Variants in PLCL1 observed in about 807,000 individuals in gnomAD.
PLCL1 encodes inactive phospholipase C-like protein 1.
PLCL1 carries 41 observed loss-of-function variants against 84.4 expected under a neutral mutation model. The observed-to-expected ratio is 0.49, with a 90% CI of 0.38 to 0.63. The LOEUF (loss-of-function observed/expected upper bound fraction) is 0.63, where lower values mean the gene tolerates loss of function less well. Ranked by LOEUF, PLCL1 falls within the 30% of genes least tolerant of loss-of-function variation. The probability of loss-of-function intolerance (pLI) is 0.00; values close to 1 mark genes in which losing one functional copy is unlikely to be tolerated. For synonymous variants in PLCL1, 490 were observed against 488.3 expected (o/e 1.00, Z -0.05); for missense variants, 1,206 against 1,367.8 (o/e 0.88, Z 1.87).
At chr2:197,902,957 A>C (rs1199015880) in intron 1 of PLCL1, among the ~76,000 whole-genome samples, 2 of 152,226 alleles carry the variant, frequency 1.3e-5, no homozygotes, top group African/African-American at 2.4e-5. Context: ...ATATATGTTT[A>C]AAATCTGTTG....
intron 1 of PLCL1, among the ~76,000 whole-genome samples, chr2:198,080,097 G>A (rs1159576689): frequency 6.6e-6 from 1 of 152,226 alleles, no homozygotes; most frequent in Non-Finnish European, 1.5e-5. Context: ...CTGGAAAGAT[G>A]TTATGGTCAT....
chr2:197,891,240 A>C (rs578178969), intron 1 of PLCL1, among the ~76,000 whole-genome samples: 1 of 152,292 alleles, frequency 6.6e-6, no homozygotes, highest in South Asian at 2.1e-4. Flanking sequence ...AGAGCCACAT[A>C]TAGGCCCATG....
chr2:198,000,945 T>C (rs529215089), intron 1 of PLCL1, among the ~76,000 whole-genome samples: 1 of 152,316 alleles, frequency 6.6e-6, no homozygotes, highest in African/African-American at 2.4e-5. Flanking sequence ...TAAATTAACT[T>C]AGTTAAGCTA....
intron 1 of PLCL1, among the ~76,000 whole-genome samples, chr2:197,816,817 T>A (rs1690699416): frequency 1.3e-5 from 2 of 152,172 alleles, no homozygotes; most frequent in African/African-American, 4.8e-5. Flanking sequence ...GCCTTACATG[T>A]AGGAGGAACA....
intron 1 of PLCL1, among the ~76,000 whole-genome samples, chr2:198,080,219 T>C (rs1432152480): frequency 3.9e-5 from 6 of 152,194 alleles, no homozygotes; most frequent in African/African-American, 1.4e-4. Context: ...TCCCAATACA[T>C]ACACAACATA....
intron 1 of PLCL1, among the ~76,000 whole-genome samples, chr2:197,955,411 AT>A (rs1295076176): frequency 1.4e-5 from 2 of 147,862 alleles, no homozygotes; most frequent in South Asian, 2.2e-4. Context: ...TTTTTATCTA[AT>A]TTTTTTCTTT....
At chr2:197,831,798 C>T (rs559419056) in intron 1 of PLCL1, among the ~76,000 whole-genome samples, 3 of 152,142 alleles carry the variant, frequency 2.0e-5, no homozygotes, top group East Asian at 1.9e-4. Context: ...TGCTAAAGAA[C>T]GGAAATAATA....
chr2:197,906,472 G>A (rs969579388), intron 1 of PLCL1, among the ~76,000 whole-genome samples: 2 of 152,050 alleles, frequency 1.3e-5, no homozygotes, highest in Non-Finnish European at 2.9e-5. Flanking sequence ...TAGCCTTGTA[G>A]TATAGTTTGA....
chr2:198,092,785 CCT>C (rs1693079196), intron 3 of PLCL1, among the ~76,000 whole-genome samples: 1 of 152,084 alleles, frequency 6.6e-6, no homozygotes, highest in Non-Finnish European at 1.5e-5. Context: ...TAATTGCTGT[CCT>C]CTTTTACTCC....
intron 1 of PLCL1, among the ~76,000 whole-genome samples, chr2:197,943,353 GACAC>G (rs573194217): frequency 6.7e-6 from 1 of 150,368 alleles, no homozygotes; most frequent in African/African-American, 2.4e-5. Context: ...ACTTCTATAA[GACAC>G]ACACACACAC....
intron 1 of PLCL1, among the ~76,000 whole-genome samples, chr2:198,034,675 A>G (rs907055118): frequency 1.3e-5 from 2 of 152,238 alleles, no homozygotes; most frequent in Admixed American, 6.5e-5. Context: ...ATCAAAACCT[A>G]AAAATTAACA....
chr2:197,886,677 C>T (rs901704344), intron 1 of PLCL1, among the ~76,000 whole-genome samples: 3 of 152,112 alleles, frequency 2.0e-5, no homozygotes, highest in Non-Finnish European at 4.4e-5. Flanking sequence ...CCTGGGGGAA[C>T]AAGCTCAGTG....
At chr2:198,017,903 C>G (rs1691035726) in intron 1 of PLCL1, among the ~76,000 whole-genome samples, 1 of 152,186 alleles carries the variant, frequency 6.6e-6, no homozygotes, top group Admixed American at 6.5e-5. Context: ...GAGATTCTAT[C>G]TTTGCCACTT....
chr2:198,063,444 G>A (rs1692252125), intron 1 of PLCL1, among the ~76,000 whole-genome samples: 1 of 152,096 alleles, frequency 6.6e-6, no homozygotes, highest in Non-Finnish European at 1.5e-5. Flanking sequence ...TGTATTAAAA[G>A]TCAAGCTAAC....
chr2:197,843,099 G>T (rs1239824613), intron 1 of PLCL1, among the ~76,000 whole-genome samples: 2 of 152,064 alleles, frequency 1.3e-5, no homozygotes, highest in African/African-American at 4.8e-5. Context: ...CTTACACCAG[G>T]GATGGCAAAT....
chr2:198,057,455 T>G (rs1051716225), intron 1 of PLCL1, among the ~76,000 whole-genome samples: 3 of 152,000 alleles, frequency 2.0e-5, no homozygotes, highest in African/African-American at 7.2e-5. Context: ...AAGGCAGGTA[T>G]TGTCATGCCC....
intron 5 of PLCL1, among the ~76,000 whole-genome samples, chr2:198,136,514 C>A (rs1215583774): frequency 6.6e-6 from 1 of 152,010 alleles, no homozygotes; most frequent in Non-Finnish European, 1.5e-5. Flanking sequence ...AGAGACTAGT[C>A]TAGATTGTTA....
rs1189385299 is a variant in PLCL1, at chr2:198,147,159, T to C, written c.*197T>C. The stretch of plus-strand genomic sequence containing the variant: ...AAGCCTTTAGTATCAGTGTTTTAAA[T>C]TCTGAGACATGTGTCAACACCCCTG... On this transcript the variant is annotated 3_prime_UTR_variant, in exon 6 of 6. Transcript: ENST00000428675. 8.5e-6 allele frequency: 4 copies of C among 472,776 alleles called. No homozygotes were observed. Among genetic ancestry groups the C allele is most frequent in the Admixed American group, 7.2e-5 (2 of 27,962 alleles). The allele number at this position is 472,776 out of a possible 1,614,324, so 29.3% of individuals were successfully genotyped here. A position where few individuals can be genotyped will look rare whatever the true frequency, so the allele number is the denominator to read the frequency against.
chr2:197,909,793 G>A (rs1688449609), intron 1 of PLCL1, among the ~76,000 whole-genome samples: 2 of 152,324 alleles, frequency 1.3e-5, no homozygotes, highest in South Asian at 4.1e-4. Context: ...GTCATAGGAT[G>A]TAGTAAATAT....
Sources: allele counts gnomAD v4.1 joint callset (sites outside exome capture counted in the v4.1 genomes callset), GRCh38; gene constraint gnomAD v4.1.1; transcripts MANE v1.5; gene names NCBI Gene and HGNC (gene_info 2026-07-23, HGNC 2026-07-21).